The following CDC45 variants were observed in gnomAD, a reference collection of about 807,000 sequenced individuals.
The protein encoded by CDC45 is cell division cycle 45, also known as cell division control protein 45 homolog.
Under a neutral mutation model 77.8 loss-of-function variants are expected in CDC45, and 54 were observed. That is an observed-to-expected ratio of 0.69 (90% CI 0.56 to 0.87). The LOEUF (loss-of-function observed/expected upper bound fraction) is 0.87, where lower values mean the gene tolerates loss of function less well. Among genes scored for constraint, CDC45 ranks in the 40% least tolerant of loss-of-function variants. The probability of loss-of-function intolerance (pLI) is 0.00; values close to 1 mark genes in which losing one functional copy is unlikely to be tolerated. For missense variants in CDC45, 649 were observed against 721.6 expected (o/e 0.90, Z 1.15); for synonymous variants, 260 against 272.1 (o/e 0.96, Z 0.44).
intron 13 of CDC45, among the ~76,000 whole-genome samples, chr22:19,510,010 G>A (rs1933424923): frequency 6.6e-6 from 1 of 152,126 alleles, no homozygotes; most frequent in African/African-American, 2.4e-5. Context: ...TGCCCAGGGT[G>A]GAATGCAATG....
At chr22:19,501,504 C>A (rs1176871441) in intron 9 of CDC45, among the ~76,000 whole-genome samples, 1 of 152,204 alleles carries the variant, frequency 6.6e-6, no homozygotes, top group Non-Finnish European at 1.5e-5. Context: ...GTGGCCTCCT[C>A]AGAATCTTGT....
At chr22:19,516,051 G>A (rs889379313) in intron 15 of CDC45, among the ~76,000 whole-genome samples, 5 of 152,132 alleles carry the variant, frequency 3.3e-5, no homozygotes, top group Admixed American at 6.5e-5. Flanking sequence ...CTGAAGGAGC[G>A]TGCCGGCGGG....
intron 9 of CDC45, among the ~76,000 whole-genome samples, chr22:19,500,939 G>T (rs1337153837): frequency 6.6e-6 from 1 of 152,188 alleles, no homozygotes; most frequent in Non-Finnish European, 1.5e-5. Flanking sequence ...CACTTTGGGA[G>T]GCAGAGGTGA....
upstream of CDC45, chr22:19,479,594 T>A (rs774507480): frequency 5.0e-6 from 3 of 598,156 alleles, no homozygotes; most frequent in African/African-American, 3.7e-5. Flanking sequence ...GTTTAATGTA[T>A]GGTTAGAAGT....
intron 5 of CDC45, among the ~76,000 whole-genome samples, chr22:19,484,964 G>A (rs1042344500): frequency 2.6e-5 from 4 of 151,450 alleles, no homozygotes; most frequent in South Asian, 2.1e-4. Flanking sequence ...CCCCAGACGG[G>A]GTCTCTCTCT....
chr22:19,518,148 C>G (rs1352012857), intron 17 of CDC45, among the ~76,000 whole-genome samples: 1 of 152,226 alleles, frequency 6.6e-6, no homozygotes, highest in Non-Finnish European at 1.5e-5. Flanking sequence ...CACTGGCCTG[C>G]AGAATATCTG....
chr22:19,507,448 C>T lies in CDC45; in HGVS notation c.887C>T (p.Thr296Ile). The change falls in exon 11 of 19, where the codon ACC becomes ATC. Residue 296 changes from threonine to isoleucine, a missense_variant. Thr to Ile is a moderately conservative substitution (Grantham distance 89). Coordinates refer to ENST00000263201, the MANE Select transcript of CDC45 (RefSeq NM_003504.5). ...GACAGCCTGTGCAACACCAGCTATA[C>T]CGCAGCCAGGTTCAAGCTGTGGTCT... The part of the protein sequence containing the change: ...LHDSLCNTSY[T>I]AARFKLWSVH... 1 of 1,614,178 alleles carries T rather than the reference C, an allele frequency of 6.2e-7. No homozygotes were observed. Among genetic ancestry groups the T allele is most frequent in the Non-Finnish European group, 8.5e-7 (1 of 1,180,022 alleles).
At chr22:19,503,673 T>A (rs1376674798) in intron 9 of CDC45, among the ~76,000 whole-genome samples, 1 of 152,182 alleles carries the variant, frequency 6.6e-6, no homozygotes, top group Non-Finnish European at 1.5e-5. Flanking sequence ...TCAAGAGGAT[T>A]TCTCCCAAGC....
At chr22:19,516,486 G>A (rs1933795337) in intron 15 of CDC45, 41 bp from the exon 16 acceptor site, 9 of 1,515,038 alleles carry the variant, frequency 5.9e-6, no homozygotes, top group Non-Finnish European at 8.3e-6. Flanking sequence ...TTGAGCTGGG[G>A]CCCACCATAC....
chr22:19,515,227 G>A (rs565540907), intron 15 of CDC45, among the ~76,000 whole-genome samples, 179 bp downstream of exon 15: 3 of 152,310 alleles, frequency 2.0e-5, no homozygotes, highest in East Asian at 3.9e-4. Flanking sequence ...GAACCTTCCA[G>A]TTCTCTCAAG....
rs193277324 is a variant in CDC45, at chr22:19,520,437, A to G, written c.*2-44A>G. 2.6e-5 allele frequency: 4 copies of G among 152,372 alleles called. No individual in the cohort carries two copies. The highest frequency in any genetic ancestry group is 2.6e-4 in the Admixed American group (4 of 15,308). The allele number at this position is 152,372 out of a possible 1,614,324, so 9.4% of individuals were successfully genotyped here. ...GGCAGTTTCTTCAATTCGGTGGCAC[A>G]TCAACATCGTTTGAAACTTGTTTTT... On this transcript the variant is annotated intron_variant, in intron 18 of 18. Transcript: ENST00000263201. The surrounding 1 kb of genome is among the most constrained non-coding windows in gnomAD (Gnocchi z 4.5).
intron 5 of CDC45, among the ~76,000 whole-genome samples, chr22:19,488,897 A>G (rs928159028): frequency 5.3e-5 from 8 of 152,164 alleles, no homozygotes; most frequent in Non-Finnish European, 8.8e-5. Flanking sequence ...GCTTCCCCCA[A>G]TGGTAAAATC....
intron 5 of CDC45, among the ~76,000 whole-genome samples, chr22:19,486,617 A>G (rs1054916001): frequency 1.3e-5 from 2 of 152,196 alleles, no homozygotes; most frequent in Admixed American, 1.3e-4. Context: ...AGCATTCTTG[A>G]GAAGAATACT....
intron 15 of CDC45, among the ~76,000 whole-genome samples, 188 bp downstream of exon 15, chr22:19,515,236 A>G (rs539877165): frequency 6.6e-6 from 1 of 152,080 alleles, no homozygotes; most frequent in East Asian, 1.9e-4. Context: ...AGTTCTCTCA[A>G]GCTCTGATTC....
intron 9 of CDC45, among the ~76,000 whole-genome samples, chr22:19,503,145 CA>C (rs1193505082): frequency 3.9e-5 from 6 of 152,098 alleles, no homozygotes; most frequent in African/African-American, 1.4e-4. Context: ...CCAGCCTGGG[CA>C]ACAGAGTGAG....
intron 13 of CDC45, among the ~76,000 whole-genome samples, chr22:19,509,686 C>G (rs1052365107): frequency 6.6e-6 from 1 of 152,118 alleles, no homozygotes; most frequent in African/African-American, 2.4e-5. Context: ...TTTGACTTTG[C>G]TACTTCTCTC....
At chr22:19,513,467 A>G (rs1933623221) in intron 13 of CDC45, among the ~76,000 whole-genome samples, 1 of 151,894 alleles carries the variant, frequency 6.6e-6, no homozygotes, top group African/African-American at 2.4e-5. Context: ...CCTTTATCAC[A>G]TCCATTTTTT....
chr22:19,503,156 G>A (rs1425664588), intron 9 of CDC45, among the ~76,000 whole-genome samples: 2 of 152,094 alleles, frequency 1.3e-5, no homozygotes, highest in Non-Finnish European at 2.9e-5. Flanking sequence ...AACAGAGTGA[G>A]ACCCTGTTTT....
At chr22:19,517,867 G>A (rs1933885687) in intron 17 of CDC45, among the ~76,000 whole-genome samples, 2 of 152,338 alleles carry the variant, frequency 1.3e-5, no homozygotes, top group Middle Eastern at 3.4e-3. Context: ...ATAGAGATGT[G>A]GGGGAGACCG....
Sources: gnomAD v4.1 joint callset for allele counts (sites outside exome capture counted in the v4.1 genomes callset) on GRCh38, gnomAD v4.1.1 for gene constraint, Gnocchi (gnomAD v3.1) non-coding constraint, MANE v1.5 for transcripts, NCBI Gene and HGNC (gene_info 2026-07-23, HGNC 2026-07-21) for gene names.